UNC5D: variants seen among roughly 807,000 people sequenced by gnomAD.
UNC5D encodes the protein netrin receptor UNC5D.
A neutral mutation model predicts 105.4 loss-of-function variants in UNC5D; 39 were observed. The ratio of observed to expected loss-of-function variants is 0.37; its 90% confidence interval spans 0.29 to 0.48. The LOEUF (loss-of-function observed/expected upper bound fraction) is 0.48, where lower values mean the gene tolerates loss of function less well. UNC5D is among the 20% of genes least tolerant of loss of function. The probability of loss-of-function intolerance (pLI) is 0.98; values close to 1 mark genes in which losing one functional copy is unlikely to be tolerated. For missense variants in UNC5D, 991 were observed against 1,202.4 expected (o/e 0.82, Z 2.60); for synonymous variants, 452 against 450.4 (o/e 1.00, Z -0.04).
In UNC5D at chr8:35,280,776, T is replaced by C. The variant is rs187398469; in HGVS notation, c.103+44889T>C. Reference sequence around the variant, plus strand: ...CTTAGTTTTCTCTTGCCTGAAAGAGTGTATTTCAGTGGACTTCTCTATCAC... The same window carrying C: ...CTTAGTTTTCTCTTGCCTGAAAGAGCGTATTTCAGTGGACTTCTCTATCAC... On this transcript the variant is annotated intron_variant, in intron 1 of 16. Coordinates refer to ENST00000404895, the MANE Select transcript of UNC5D (RefSeq NM_080872.4). 3.1e-3 allele frequency among the ~76,000 whole-genome samples: 467 copies of C among 152,194 alleles called. 2 individuals carry two copies. The highest frequency in any genetic ancestry group is 7.6e-3 in the Admixed American group (116 of 15,270).
chr8:35,754,956 G>A (rs952805279), intron 13 of UNC5D, among the ~76,000 whole-genome samples: 2 of 152,170 alleles, frequency 1.3e-5, no homozygotes, highest in African/African-American at 4.8e-5. Context: ...GTAGGTAGGT[G>A]AGAAAAGAAT....
At chr8:35,643,531 A>C (rs2131143743) in intron 4 of UNC5D, among the ~76,000 whole-genome samples, 1 of 152,056 alleles carries the variant, frequency 6.6e-6, no homozygotes, top group East Asian at 1.9e-4. Flanking sequence ...TAGTATTTTT[A>C]GTAGAGACAG....
chr8:35,386,836 A>C (rs546548131), intron 1 of UNC5D, among the ~76,000 whole-genome samples: 1 of 152,288 alleles, frequency 6.6e-6, no homozygotes, highest in African/African-American at 2.4e-5. Context: ...GTGGTAGAAA[A>C]TGCTATAGAT....
At chr8:35,787,818 CTATGTTT>C in intron 16 of UNC5D, among the ~76,000 whole-genome samples, 1 of 152,160 alleles carries the variant, frequency 6.6e-6, no homozygotes, top group East Asian at 1.9e-4. Flanking sequence ...AGAAGTCTTG[CTATGTTT>C]TCCAGGCTGG....
chr8:35,608,526 A>G (rs998887304), intron 4 of UNC5D, among the ~76,000 whole-genome samples: 1 of 152,114 alleles, frequency 6.6e-6, no homozygotes, highest in Non-Finnish European at 1.5e-5. Flanking sequence ...CCATCACCCA[A>G]ATGACAAGTA....
At chr8:35,674,581 A>G (rs1445173930) in intron 4 of UNC5D, among the ~76,000 whole-genome samples, 1 of 152,212 alleles carries the variant, frequency 6.6e-6, no homozygotes, top group Non-Finnish European at 1.5e-5. Context: ...GTGTTCATGA[A>G]ATGCTAGATA....
chr8:35,693,147 T>G (rs1826522275), intron 7 of UNC5D, among the ~76,000 whole-genome samples: 1 of 151,942 alleles, frequency 6.6e-6, no homozygotes, highest in Non-Finnish European at 1.5e-5. Flanking sequence ...AAAAAGAAAA[T>G]AAAGCAGACA....
At chr8:35,421,804 G>C (rs1433648485) in intron 1 of UNC5D, among the ~76,000 whole-genome samples, 2 of 152,114 alleles carry the variant, frequency 1.3e-5, no homozygotes, top group African/African-American at 4.8e-5. Flanking sequence ...CTCTTGGCTA[G>C]TCTAAACTTT....
intron 1 of UNC5D, among the ~76,000 whole-genome samples, chr8:35,263,440 G>A (rs1260581038): frequency 6.6e-6 from 1 of 151,900 alleles, no homozygotes; most frequent in African/African-American, 2.4e-5. Context: ...GTCTTGCTCT[G>A]TTACCCAGGC....
chr8:35,453,841 G>A (rs1808320682), intron 1 of UNC5D, among the ~76,000 whole-genome samples: 1 of 152,054 alleles, frequency 6.6e-6, no homozygotes, highest in Non-Finnish European at 1.5e-5. Context: ...TCTTCCTTTA[G>A]CTGGAGTATA....
At chr8:35,676,188 G>T (rs1825204319) in intron 4 of UNC5D, among the ~76,000 whole-genome samples, 1 of 152,098 alleles carries the variant, frequency 6.6e-6, no homozygotes, top group Non-Finnish European at 1.5e-5. Flanking sequence ...TGTCTTTGAT[G>T]TTCTGCTTTT....
At chr8:35,262,955 G>T (rs1480485022) in intron 1 of UNC5D, among the ~76,000 whole-genome samples, 1 of 152,116 alleles carries the variant, frequency 6.6e-6, no homozygotes, top group Admixed American at 6.5e-5. Context: ...AGCAACAGTA[G>T]TTCCTTATTG....
intron 4 of UNC5D, among the ~76,000 whole-genome samples, chr8:35,659,747 C>A (rs1257616886): frequency 1.3e-5 from 2 of 152,198 alleles, no homozygotes; most frequent in African/African-American, 4.8e-5. Context: ...CTAATTGGTG[C>A]CTCTGTATTG....
chr8:35,383,269 A>G (rs930647802), intron 1 of UNC5D, among the ~76,000 whole-genome samples: 1 of 152,060 alleles, frequency 6.6e-6, no homozygotes, highest in Non-Finnish European at 1.5e-5. Context: ...TGCTTTCATT[A>G]CTCTGCCATT....
At chr8:35,489,131 C>A (rs1307913127) in intron 1 of UNC5D, among the ~76,000 whole-genome samples, 1 of 151,960 alleles carries the variant, frequency 6.6e-6, no homozygotes, top group Non-Finnish European at 1.5e-5. Flanking sequence ...TTCAGCCTCC[C>A]AAGTAGCTGG....
At chr8:35,293,466 C>T (rs1353782486) in intron 1 of UNC5D, among the ~76,000 whole-genome samples, 1 of 152,168 alleles carries the variant, frequency 6.6e-6, no homozygotes, top group East Asian at 1.9e-4. Context: ...ATGTCTTCCT[C>T]ATCATCTGGT....
chr8:35,688,498 T>A (rs1425222108), intron 7 of UNC5D, among the ~76,000 whole-genome samples: 2 of 152,208 alleles, frequency 1.3e-5, no homozygotes, highest in Non-Finnish European at 2.9e-5. Flanking sequence ...CTATAGTGCC[T>A]TTATTTGCTA....
At chr8:35,751,787 T>C (rs968599019) in intron 13 of UNC5D, among the ~76,000 whole-genome samples, 2 of 152,218 alleles carry the variant, frequency 1.3e-5, no homozygotes, top group Non-Finnish European at 2.9e-5. Flanking sequence ...CATTGTGTGC[T>C]AAATTATGCA....
At chr8:35,284,554 C>T (rs901215003) in intron 1 of UNC5D, among the ~76,000 whole-genome samples, 9 of 151,668 alleles carry the variant, frequency 5.9e-5, no homozygotes, top group African/African-American at 9.7e-5. Context: ...TATAATGTTT[C>T]TTTTCTTTTC....
Sources: gnomAD v4.1 joint callset for allele counts (sites outside exome capture counted in the v4.1 genomes callset) on GRCh38, gnomAD v4.1.1 for gene constraint, MANE v1.5 for transcripts, NCBI Gene and HGNC (gene_info 2026-07-23, HGNC 2026-07-21) for gene names.